The following CDH13 variants were observed in gnomAD, a reference collection of about 807,000 sequenced individuals.
The protein encoded by CDH13 is cadherin-13.
CDH13 carries 24 observed loss-of-function variants against 63.8 expected under a neutral mutation model. The observed-to-expected ratio is 0.38, with a 90% CI of 0.27 to 0.53. The LOEUF is 0.53. Ranked by LOEUF, CDH13 falls within the 20% of genes least tolerant of loss-of-function variation. CDH13 has a pLI of 0.85. For missense variants in CDH13, 1,049 were observed against 903.1 expected (o/e 1.16, Z -2.07); for synonymous variants, 503 against 355.3 (o/e 1.42, Z -4.67).
intron 5 of CDH13, among the ~76,000 whole-genome samples, chr16:83,309,569 G>T (rs2089955463): frequency 6.6e-6 from 1 of 152,164 alleles, no homozygotes; most frequent in Non-Finnish European, 1.5e-5. Flanking sequence ...TGAAGATGGG[G>T]TTTCACCATG....
chr16:83,078,293 G>T, intron 3 of CDH13, among the ~76,000 whole-genome samples: 1 of 152,164 alleles, frequency 6.6e-6, no homozygotes. Flanking sequence ...CCAACCTTTT[G>T]GCACCAGGGA....
intron 7 of CDH13, among the ~76,000 whole-genome samples, chr16:83,570,767 A>T (rs1266954575): frequency 7.0e-6 from 1 of 143,648 alleles, no homozygotes; most frequent in African/African-American, 2.5e-5. Context: ...ATATTTATAT[A>T]TATGAATAAA....
At chr16:82,721,983 C>A (rs540479846) in intron 1 of CDH13, among the ~76,000 whole-genome samples, 67 of 152,288 alleles carry the variant, frequency 4.4e-4, no homozygotes, top group African/African-American at 1.6e-3. Context: ...TGTCCCTACC[C>A]TCTCTCACTG....
At chr16:82,695,173 T>A (rs1474029758) in intron 1 of CDH13, among the ~76,000 whole-genome samples, 1 of 152,112 alleles carries the variant, frequency 6.6e-6, no homozygotes, top group African/African-American at 2.4e-5. Context: ...CTGGGGGCCT[T>A]GTCAACCTAG....
At chr16:82,668,693 T>A (rs1017581800) in intron 1 of CDH13, among the ~76,000 whole-genome samples, 10 of 152,170 alleles carry the variant, frequency 6.6e-5, no homozygotes, top group Admixed American at 3.3e-4. Flanking sequence ...GTGATTCTGA[T>A]GTACACTAAA....
chr16:83,259,390 G>A (rs942902235), intron 5 of CDH13, among the ~76,000 whole-genome samples: 2 of 152,150 alleles, frequency 1.3e-5, no homozygotes, highest in African/African-American at 4.8e-5. Context: ...TGGAAAGTCT[G>A]TCTCCTGAGC....
At chr16:83,471,993 A>C (rs909898011) in intron 6 of CDH13, among the ~76,000 whole-genome samples, 1 of 152,166 alleles carries the variant, frequency 6.6e-6, no homozygotes, top group Admixed American at 6.5e-5. Flanking sequence ...TTCATTGAAG[A>C]CTTCTCTTCT....
intron 4 of CDH13, among the ~76,000 whole-genome samples, chr16:83,185,329 A>G (rs1484254890): frequency 6.6e-6 from 1 of 152,246 alleles, no homozygotes; most frequent in African/African-American, 2.4e-5. Context: ...CTATGAGGAT[A>G]AAGCACCTGA....
chr16:82,849,314 C>T (rs1242988617), intron 1 of CDH13, among the ~76,000 whole-genome samples: 1 of 152,086 alleles, frequency 6.6e-6, no homozygotes, highest in African/African-American at 2.4e-5. Flanking sequence ...CCATCCTGGT[C>T]AACATGGTGA....
intron 1 of CDH13, among the ~76,000 whole-genome samples, chr16:82,700,951 A>ACCCCCCCCCCCCCCCCCCCCCCCCCCCC (rs1287553502): frequency 7.2e-5 from 1 of 13,806 alleles, no homozygotes; most frequent in African/African-American, 1.4e-4. Context: ...AAGTGCTGGA[A>ACCCCCCCCCCCCCCCCCCCCCCCCCCCC]CCCGCCCCCC....
chr16:82,740,192 C>G (rs2033865524), intron 1 of CDH13, among the ~76,000 whole-genome samples: 1 of 152,140 alleles, frequency 6.6e-6, no homozygotes, highest in Admixed American at 6.6e-5. Context: ...GTCTATTTAG[C>G]ATTTTATTAT....
chr16:82,930,941 T>C (rs6565084), intron 2 of CDH13, among the ~76,000 whole-genome samples: 100,683 of 151,768 alleles, frequency 0.66, 34,556 homozygotes, highest in African/African-American at 0.73. Context: ...ATGTTCGACT[T>C]GTGGCTTTGT....
At chr16:82,883,687 G>T (rs1174432496) in intron 2 of CDH13, among the ~76,000 whole-genome samples, 1 of 152,194 alleles carries the variant, frequency 6.6e-6, no homozygotes, top group Admixed American at 6.5e-5. Context: ...CAGAGCTGCT[G>T]TGAGGATTAG....
rs138023578 is a variant in CDH13 at position 83,244,607 on chromosome 16, A to G, written c.636+27110A>G. ...CATTGGTCCCCAACACCACCCTCAG[A>G]TTTGGTGATTTGCTAGAAAGACTCA... is the stretch of plus-strand genomic sequence containing the variant. On this transcript the variant is annotated intron_variant, in intron 5 of 13. Transcript: ENST00000567109. Among the ~76,000 whole-genome samples the G allele has an allele frequency of 9.5e-3, 1,444 of 152,130 alleles. 3 individuals are homozygous for G. Among genetic ancestry groups the G allele is most frequent in the Middle Eastern group, 0.02 (6 of 294 alleles).
At chr16:82,647,809 G>T (rs567400424) in intron 1 of CDH13, among the ~76,000 whole-genome samples, 30 of 152,220 alleles carry the variant, frequency 2.0e-4, no homozygotes, top group Non-Finnish European at 3.5e-4. Flanking sequence ...CTGTCTGTCA[G>T]TGTCTAATGT....
At chr16:82,726,004 A>G (rs984347496) in intron 1 of CDH13, among the ~76,000 whole-genome samples, 29 of 152,152 alleles carry the variant, frequency 1.9e-4, no homozygotes, top group Non-Finnish European at 7.3e-5. Context: ...TGGCCGTGCC[A>G]TTCAAGCAGT....
chr16:83,678,039 A>T (rs1034734250), intron 9 of CDH13, among the ~76,000 whole-genome samples, 169 bp from the exon 10 acceptor site: 1 of 152,164 alleles, frequency 6.6e-6, no homozygotes, highest in Non-Finnish European at 1.5e-5. Context: ...TTCATGTTTC[A>T]TATTCTTTAT....
intron 1 of CDH13, among the ~76,000 whole-genome samples, chr16:82,645,082 T>C (rs936432345): frequency 1.3e-5 from 2 of 152,176 alleles, no homozygotes; most frequent in Admixed American, 1.3e-4. Flanking sequence ...GAAACTCTTG[T>C]ACACAGTGGG....
At chr16:83,759,739 T>C (rs1015316544) in intron 11 of CDH13, among the ~76,000 whole-genome samples, 3 of 151,544 alleles carry the variant, frequency 2.0e-5, no homozygotes, top group Admixed American at 6.6e-5. Context: ...CCAGTGTGAG[T>C]AATAAAGCAA....
Sources: gnomAD v4.1 joint callset for allele counts (sites outside exome capture counted in the v4.1 genomes callset) on GRCh38, gnomAD v4.1.1 for gene constraint, MANE v1.5 for transcripts, NCBI Gene and HGNC (gene_info 2026-07-23, HGNC 2026-07-21) for gene names.